Variants in EP300 observed in about 807,000 individuals in gnomAD.
The protein encoded by EP300 is EP300 lysine acetyltransferase.
Under a neutral mutation model 264.0 loss-of-function variants are expected in EP300, and 31 were observed. That is an observed-to-expected ratio of 0.12 (90% confidence interval 0.09 to 0.16). The LOEUF (loss-of-function observed/expected upper bound fraction) is 0.16, where lower values mean the gene tolerates loss of function less well. Among genes scored for constraint, EP300 ranks in the 10% least tolerant of loss-of-function variants. The pLI is 1.00. For missense variants in EP300, 2,766 were observed against 3,052.9 expected (o/e 0.91, Z 2.21); for synonymous variants, 1,340 against 1,045.4 (o/e 1.28, Z -5.44).
chr22:41,131,826 A>T (rs1430764376), intron 6 of EP300, among the ~76,000 whole-genome samples, 193 bp downstream of exon 6: 1 of 152,020 alleles, frequency 6.6e-6, no homozygotes, highest in African/African-American at 2.4e-5. Context: ...ATCTTCCTTG[A>T]TCCTTTTTTG....
chr22:41,152,515 C>CTTTTTT (rs74973464), intron 16 of EP300, among the ~76,000 whole-genome samples, 165 bp downstream of exon 16: 3 of 141,676 alleles, frequency 2.1e-5, no homozygotes, highest in African/African-American at 7.7e-5. Flanking sequence ...ATTTTTCTTT[C>CTTTTTT]TTTTTTTTTT....
In EP300 at chr22:41,177,821, G is replaced by A. The variant is rs2145519368; in HGVS notation, c.6110G>A (p.Gly2037Asp). Residue 2037 changes from glycine (G) to aspartate (D), a missense_variant, in exon 31 of 31, where the codon GGT becomes GAT. By Grantham distance (94) the Gly-to-Asp change is moderately conservative. Transcript: ENST00000263253. ...CCACAACCAGGATTGGGCCAGGTAG[G>A]TATCAGCCCACTCAAACCAGGCACT... is the stretch of plus-strand genomic sequence containing the variant. ...MAPQPGLGQV[G>D]ISPLKPGTVS... 6.2e-7 allele frequency: 1 copy of A among 1,614,068 alleles called. No homozygotes were observed. The highest frequency in any genetic ancestry group is 8.5e-7 in the Non-Finnish European group (1 of 1,180,030).
At chr22:41,134,994 G>A (rs966785922) in intron 6 of EP300, among the ~76,000 whole-genome samples, 6 of 151,972 alleles carry the variant, frequency 3.9e-5, no homozygotes, top group African/African-American at 1.5e-4. Context: ...TGCAACCTCC[G>A]CCTCCTGGGT....
Position 41,153,466 on chromosome 22 carries a change from C to T in EP300, c.3142+1116C>T, listed in dbSNP as rs576096433. 2.8e-4 allele frequency among the ~76,000 whole-genome samples: 42 copies of T among 152,254 alleles called. 1 individual carries two copies. In the South Asian group the frequency reaches 5.4e-3, roughly 20 times the overall value. The stretch of plus-strand genomic sequence containing the variant: ...CCCAGTCTTACTATTGGCAATCTCT[C>T]TTTAAAATGTGTGTTCCCTCATGCC... On this transcript the variant is annotated intron_variant, in intron 16 of 30. Coordinates refer to ENST00000263253, the MANE Select transcript of EP300 (RefSeq NM_001429.4).
rs142885571 is a variant in EP300 at position 41,177,543 on chromosome 22, C to G, written c.5832C>G (p.His1944Gln). ...CGGAGACGCAGCGCCAGATGGCCCA[C>G]GTGCAAATTTTTCAAAGGCCAATCC... ...RAAETQRQMAHVQIFQRPIQH... is the reference protein window; with the variant it reads ...RAAETQRQMAQVQIFQRPIQH... Residue 1944 changes from histidine to glutamine, a missense_variant, in exon 31 of 31, where the codon CAC (histidine) becomes CAG (glutamine). By Grantham distance (24) the His-to-Gln change is conservative (BLOSUM62 0). Transcript: ENST00000263253. 1 of 1,614,142 alleles carries G rather than the reference C, an allele frequency of 6.2e-7. No individual in the cohort carries two copies. Among genetic ancestry groups the G allele is most frequent in the Non-Finnish European group, 8.5e-7 (1 of 1,180,032 alleles).
chr22:41,166,506 TCTG>T, intron 22 of EP300, 90 bp from the exon 23 acceptor site: 2 of 970,104 alleles, frequency 2.1e-6, no homozygotes, highest in South Asian at 1.4e-5. Context: ...TAGAAATACT[TCTG>T]CTAGATTGTC....
chr22:41,166,965 C>T (rs1440422462), intron 23 of EP300, among the ~76,000 whole-genome samples: 2 of 152,120 alleles, frequency 1.3e-5, no homozygotes, highest in South Asian at 4.1e-4. Context: ...AAATGATTGG[C>T]CGGAATTGCC....
At chr22:41,133,952 T>C (rs1033446633) in intron 6 of EP300, among the ~76,000 whole-genome samples, 1 of 152,220 alleles carries the variant, frequency 6.6e-6, no homozygotes, top group African/African-American at 2.4e-5. Flanking sequence ...TTTTGACTTT[T>C]AATAATTTAA....
At chr22:41,167,609 T>C (rs1356416459) in intron 23 of EP300, among the ~76,000 whole-genome samples, 2 of 36,858 alleles carry the variant, frequency 5.4e-5, no homozygotes, top group East Asian at 1.6e-3. Context: ...TATATATATA[T>C]ATATATATAT....
chr22:41,128,495 A>T (rs114732422), intron 4 of EP300, among the ~76,000 whole-genome samples: 2,703 of 152,138 alleles, frequency 0.018, 73 homozygotes, highest in African/African-American at 0.062. Flanking sequence ...GTAATTTTTT[A>T]AAATTATTTT....
At chr22:41,158,360 C>T (rs1361111954) in intron 18 of EP300, 52 bp from the exon 19 acceptor site, 10 of 1,475,822 alleles carry the variant, frequency 6.8e-6, no homozygotes, top group South Asian at 2.3e-5. Context: ...TCTTACTGTT[C>T]TAGCTTGTCC....
At chr22:41,123,100 A>G (rs1909723674) in intron 2 of EP300, among the ~76,000 whole-genome samples, 2 of 152,216 alleles carry the variant, frequency 1.3e-5, no homozygotes, top group South Asian at 4.1e-4. Flanking sequence ...CAGATGCTTC[A>G]CAGAGGTAGT....
At chr22:41,108,300 G>C (rs1196522435) in intron 1 of EP300, among the ~76,000 whole-genome samples, 1 of 141,896 alleles carries the variant, frequency 7.0e-6, no homozygotes, top group Non-Finnish European at 1.5e-5. Context: ...CCAGTCTGGA[G>C]TGCAGTGGCG....
At chr22:41,154,896 T>C (rs560087593) in intron 16 of EP300, 99 bp from the exon 17 acceptor site, 45 of 828,880 alleles carry the variant, frequency 5.4e-5, no homozygotes, top group African/African-American at 1.5e-4. Flanking sequence ...AATTTTGTTA[T>C]TGATTCTTGA....
rs372352506 is a variant in EP300, at chr22:41,164,280, G to A, written c.3806+150G>A. The A allele has an allele frequency of 3.1e-4, 238 of 758,648 alleles. No homozygotes were observed. The African/African-American group carries it at 3.4e-3, about 11-fold the overall frequency. 47.0% of individuals were successfully genotyped at this position (758,648 alleles called of 1,614,324 possible). A position where few individuals can be genotyped will look rare whatever the true frequency, so the allele number is the denominator to read the frequency against. ...GGTTTGGCCACGATAATTATAGTTC[G>A]CTTTTTAAAAATTAAGTAACCTAGT... is the stretch of plus-strand genomic sequence containing the variant. On this transcript the variant is annotated intron_variant, in intron 22 of 30. Coordinates refer to ENST00000263253, the MANE Select transcript of EP300 (RefSeq NM_001429.4).
At chr22:41,105,180 G>A (rs1569083969) in intron 1 of EP300, among the ~76,000 whole-genome samples, 1 of 96,622 alleles carries the variant, frequency 1.0e-5, no homozygotes, top group Non-Finnish European at 1.9e-5. Flanking sequence ...CTAGGTGACA[G>A]AGCGAGACTC....
chr22:41,112,709 G>A lies in EP300; in HGVS notation c.95-4478G>A, dbSNP rs112485447. 3.2e-3 allele frequency among the ~76,000 whole-genome samples: 216 copies of A among 68,184 alleles called. 2 individuals are homozygous for A. Among genetic ancestry groups the A allele is most frequent in the African/African-American group, 6.9e-3 (131 of 19,102 alleles). 44.7% of individuals were successfully genotyped at this position (68,184 alleles called of 152,430 possible). ...ATTGGCCATGTGTAATTTTTATATT[G>A]TTTTTTTTTTTTAGAAGTATTTGTG... On this transcript the variant is annotated intron_variant, in intron 1 of 30. Coordinates refer to ENST00000263253, the MANE Select transcript of EP300 (RefSeq NM_001429.4).
In EP300 at chr22:41,177,881, C is replaced by T. The variant is rs756318910; in HGVS notation, c.6170C>T (p.Thr2057Ile). 2 of 1,614,244 alleles carry T rather than the reference C, an allele frequency of 1.2e-6. No homozygotes were observed. Among genetic ancestry groups the T allele is most frequent in the South Asian group, 1.1e-5 (1 of 91,088 alleles). Residue 2057 changes from threonine to isoleucine, a missense_variant, in exon 31 of 31, where the codon ACT (threonine) becomes ATT (isoleucine). Physicochemically the swap from Thr to Ile is moderately conservative, Grantham distance 89. Transcript: ENST00000263253. ...CAAGCCTTACAAAACCTTTTGCGGA[C>T]TCTCAGGTCTCCCAGCTCTCCCCTG... ...SQQALQNLLR[T>I]LRSPSSPLQQ...
intron 21 of EP300, 56 bp downstream of exon 21, chr22:41,162,835 AT>A: frequency 1.4e-6 from 2 of 1,470,594 alleles, no homozygotes; most frequent in East Asian, 4.5e-5. Context: ...TTTCCCTTTC[AT>A]TCTCTTGAAG....
Sources: allele counts gnomAD v4.1 joint callset (sites outside exome capture counted in the v4.1 genomes callset), GRCh38; gene constraint gnomAD v4.1.1; transcripts MANE v1.5; gene names NCBI Gene and HGNC (gene_info 2026-07-23, HGNC 2026-07-21).